The following SRRM1 variants were observed in gnomAD, a reference collection of about 807,000 sequenced individuals.
SRRM1 encodes serine/arginine repetitive matrix protein 1.
SRRM1 carries 19 observed loss-of-function variants against 110.2 expected under a neutral mutation model. The observed-to-expected ratio is 0.17, with a 90% CI of 0.12 to 0.25. The LOEUF (loss-of-function observed/expected upper bound fraction) is 0.25. Among genes scored for constraint, SRRM1 ranks in the 10% least tolerant of loss-of-function variants. SRRM1 has a pLI of 1.00. For synonymous variants in SRRM1, 443 were observed against 414.9 expected (o/e 1.07, Z -0.82); for missense variants, 918 against 1,145.8 (o/e 0.80, Z 2.87).
At chr1:24,647,777 A>C (rs1013989141) in intron 3 of SRRM1, 1 of 152,584 alleles carries the variant, frequency 6.6e-6, no homozygotes, top group Admixed American at 6.5e-5. Context: ...TTAAGAATGC[A>C]CTTTCTATAA....
intron 16 of SRRM1, 58 bp from the exon 17 acceptor site, chr1:24,672,124 A>C: frequency 7.5e-7 from 1 of 1,336,974 alleles, no homozygotes; most frequent in Middle Eastern, 1.8e-4. Context: ...TCTGCTCTTT[A>C]CTCGGCATTT....
intron 2 of SRRM1, among the ~76,000 whole-genome samples, 185 bp from the exon 3 acceptor site, chr1:24,646,482 C>A (rs1657675620): frequency 6.7e-6 from 1 of 149,790 alleles, no homozygotes; most frequent in African/African-American, 2.5e-5. Context: ...AGCTGAGCAC[C>A]ACTGCACTCC....
chr1:24,660,609 A>AC (rs1666691906), intron 9 of SRRM1, 110 bp from the exon 10 acceptor site: 1 of 467,604 alleles, frequency 2.1e-6, no homozygotes, highest in East Asian at 3.7e-5. Flanking sequence ...ATATAGTGAG[A>AC]CCCCATCTTT....
At chr1:24,659,710 CTT>C (rs1035851265) in intron 9 of SRRM1, among the ~76,000 whole-genome samples, 1 of 152,128 alleles carries the variant, frequency 6.6e-6, no homozygotes, top group Non-Finnish European at 1.5e-5. Flanking sequence ...GGTTTCCTCT[CTT>C]GTGAAATGGA....
intron 1 of SRRM1, 42 bp downstream of exon 1, chr1:24,643,389 C>T: frequency 6.6e-7 from 1 of 1,526,626 alleles, no homozygotes; most frequent in South Asian, 1.2e-5. Context: ...CCAGGGACTT[C>T]TCGGTAAGGC....
chr1:24,659,450 G>A (rs1436665939), intron 9 of SRRM1, among the ~76,000 whole-genome samples: 1 of 152,180 alleles, frequency 6.6e-6, no homozygotes, highest in Non-Finnish European at 1.5e-5. Flanking sequence ...GATCCTGAGA[G>A]GATCAAATTG....
At chr1:24,671,187 A>G (rs1329564125) in intron 15 of SRRM1, among the ~76,000 whole-genome samples, 199 bp from the exon 16 acceptor site, 1 of 152,260 alleles carries the variant, frequency 6.6e-6, no homozygotes, top group Non-Finnish European at 1.5e-5. Flanking sequence ...AATTGAGCTC[A>G]TCCTGGAGAT....
chr1:24,662,197 C>T (rs577258389), intron 11 of SRRM1, among the ~76,000 whole-genome samples: 3 of 152,276 alleles, frequency 2.0e-5, no homozygotes, highest in Middle Eastern at 3.4e-3. Context: ...CCTGTAACCC[C>T]AACACTTTGG....
intron 9 of SRRM1, among the ~76,000 whole-genome samples, chr1:24,657,344 C>T (rs1664704518): frequency 6.6e-6 from 1 of 152,182 alleles, no homozygotes; most frequent in South Asian, 2.1e-4. Context: ...AGGAATAAAA[C>T]TTGAGTTGTC....
intron 9 of SRRM1, among the ~76,000 whole-genome samples, chr1:24,655,741 T>G (rs1663690235): frequency 6.6e-6 from 1 of 152,184 alleles, no homozygotes; most frequent in South Asian, 2.1e-4. Flanking sequence ...CTATTGGGGT[T>G]TGTTCTGTGA....
chr1:24,664,783 T>C (rs1313520817), intron 12 of SRRM1, among the ~76,000 whole-genome samples: 1 of 152,172 alleles, frequency 6.6e-6, no homozygotes, highest in Non-Finnish European at 1.5e-5. Flanking sequence ...GCTATAATTA[T>C]CTCTGGCTTT....
Position 24,654,991 on chromosome 1 carries a change from A to G in SRRM1, c.1177A>G (p.Ser393Gly), listed in dbSNP as rs1053069510. Reference protein sequence around the residue: ...RKTRRLSPSASPPRRRHRPSP... With the variant: ...RKTRRLSPSAGPPRRRHRPSP... ...AACTCGTAGGTTATCTCCTTCAGCA[A>G]GTCCTCCAAGGCGAAGGCACAGGCC... Residue 393 changes from serine to glycine, a missense_variant, in exon 9 of 17, where the codon AGT becomes GGT. Around this residue, in one of 5 missense-constraint regions of SRRM1, gnomAD observed 456 missense variants for 453.5 expected, o/e 1.01. Transcript: ENST00000323848. 3 of 1,614,088 alleles carry G rather than the reference A, an allele frequency of 1.9e-6. No individual in the cohort carries two copies. The highest frequency in any genetic ancestry group is 1.3e-5 in the African/African-American group (1 of 74,932).
intron 12 of SRRM1, chr1:24,663,024 A>ATG: frequency 1.1e-6 from 1 of 895,038 alleles, no homozygotes; most frequent in South Asian, 1.9e-5. Flanking sequence ...CATGTCATAT[A>ATG]TGTGTGCATG....
At chr1:24,665,387 C>T (rs934753007) in intron 12 of SRRM1, among the ~76,000 whole-genome samples, 3 of 151,176 alleles carry the variant, frequency 2.0e-5, no homozygotes, top group Non-Finnish European at 2.9e-5. Context: ...CGATATCGTG[C>T]CATTGCACTC....
At chr1:24,654,332 T>C (rs1330484102) in intron 8 of SRRM1, 1 of 1,289,744 alleles carries the variant, frequency 7.8e-7, no homozygotes, top group Non-Finnish European at 1.0e-6. Context: ...CCGCCAAAGG[T>C]GAATTCTGCA....
rs187881199 is a variant in SRRM1 at position 24,653,558 on chromosome 1, C to T, written c.1040+526C>T. Among the ~76,000 whole-genome samples, 560 of 152,270 alleles carry T rather than the reference C, an allele frequency of 3.7e-3. 1 individual carries two copies. The highest frequency in any genetic ancestry group is 0.01 in the Middle Eastern group (3 of 294). Reference sequence around the variant, plus strand: ...TTCCATAATCCGTGGGGGAATATATCTATATTCCATAGATATAATTGCTAT... The same window carrying T: ...TTCCATAATCCGTGGGGGAATATATTTATATTCCATAGATATAATTGCTAT... On this transcript the variant is annotated intron_variant, in intron 8 of 16. Coordinates refer to ENST00000323848, the MANE Select transcript of SRRM1 (RefSeq NM_005839.4).
At chr1:24,643,518 T>C in intron 1 of SRRM1, 171 bp downstream of exon 1, 1 of 474,418 alleles carries the variant, frequency 2.1e-6, no homozygotes, top group Non-Finnish European at 3.4e-6. Context: ...CGGAGACCGG[T>C]GCGCCCCTGC....
intron 14 of SRRM1, 140 bp from the exon 15 acceptor site, chr1:24,669,978 GGA>G: frequency 1.3e-6 from 1 of 764,600 alleles, no homozygotes. Context: ...AATGTAAATT[GGA>G]TATATGTTAG....
chr1:24,643,513 A>T (rs1655092077), intron 1 of SRRM1, 166 bp downstream of exon 1: 1 of 519,472 alleles, frequency 1.9e-6, no homozygotes, highest in Non-Finnish European at 3.0e-6. Context: ...TGCGGCGGAG[A>T]CCGGTGCGCC....
Sources: gnomAD v4.1 joint callset for allele counts (sites outside exome capture counted in the v4.1 genomes callset) on GRCh38, gnomAD v4.1.1 for gene constraint, gnomAD v4.1.1 regional missense constraint, MANE v1.5 for transcripts, NCBI Gene and HGNC (gene_info 2026-07-23, HGNC 2026-07-21) for gene names.